The following ADAMTS20 variants were observed in gnomAD, a reference collection of about 807,000 sequenced individuals.
ADAMTS20 encodes the protein ADAM metallopeptidase with thrombospondin type 1 motif 20, also known as A disintegrin and metalloproteinase with thrombospondin motifs 20.
In ADAMTS20, 225 loss-of-function variants were observed where a neutral mutation model predicts 260.1. The ratio of observed to expected loss-of-function variants is 0.87; its 90% CI spans 0.78 to 0.97. The LOEUF (loss-of-function observed/expected upper bound fraction) is 0.97. Ranked by LOEUF, ADAMTS20 falls within the 50% of genes least tolerant of loss-of-function variation. ADAMTS20 has a pLI of 0.00. For missense variants in ADAMTS20, 2,400 were observed against 2,337.7 expected, an observed-to-expected ratio of 1.03 and a Z score of -0.55; for synonymous variants, 802 against 769.5, an observed-to-expected ratio of 1.04 and a Z score of -0.70.
At position 43,511,935 on chromosome 12, in the gene ADAMTS20, A is replaced by G. The variant is rs1942929969; in HGVS notation, c.614-9530T>C. On this transcript the variant is annotated intron_variant, in intron 3 of 38. Coordinates refer to ENST00000389420, the MANE Select transcript of ADAMTS20 (RefSeq NM_025003.5). ...GTGACCCTTGAGATAAAGTGTGACC[A>G]TATCAGATGTATTGTGAAATCTCAC... is the stretch of plus-strand genomic sequence containing the variant. Among the ~76,000 whole-genome samples, 4 of 152,140 alleles carry G rather than the reference A, an allele frequency of 2.6e-5. No individual in the cohort carries two copies. The South Asian group carries it at 8.3e-4, about 31-fold the overall frequency.
chr12:43,452,337 C>G lies in ADAMTS20; in HGVS notation c.2016G>C (p.Met672Ile). 4 of 1,613,316 alleles carry G rather than the reference C, an allele frequency of 2.5e-6. No individual in the cohort carries two copies. The highest frequency in any genetic ancestry group is 3.4e-6 in the Non-Finnish European group (4 of 1,179,546). The change falls in exon 14 of 39, where the codon ATG becomes ATC. Residue 672 changes from methionine (M) to isoleucine (I), a missense_variant. Coordinates refer to ENST00000389420, the MANE Select transcript of ADAMTS20 (RefSeq NM_025003.5). Reference sequence around the variant, plus strand: ...TTCCACAAGGAGTACCATCTTCAACCATATCCTTCAATAGGTAGAAATAAT... The same window carrying G: ...TTCCACAAGGAGTACCATCTTCAACGATATCCTTCAATAGGTAGAAATAAT... ...GTNYFYLLKD[M>I]VEDGTPCGTE...
At chr12:43,375,210 T>C (rs1001270673) in intron 36 of ADAMTS20, among the ~76,000 whole-genome samples, 169 bp downstream of exon 36, 6 of 146,460 alleles carry the variant, frequency 4.1e-5, no homozygotes, top group South Asian at 2.1e-4. Context: ...CCATGGTGCA[T>C]GTCATTGCAG....
At chr12:43,447,015 A>C (rs1462957082) in intron 14 of ADAMTS20, among the ~76,000 whole-genome samples, 2 of 152,168 alleles carry the variant, frequency 1.3e-5, no homozygotes, top group Middle Eastern at 3.4e-3. Flanking sequence ...TACCATCCAA[A>C]AAAAGCCCAG....
chr12:43,353,241 G>C (rs1939672418), downstream of ADAMTS20, among the ~76,000 whole-genome samples: 1 of 151,748 alleles, frequency 6.6e-6, no homozygotes, highest in Non-Finnish European at 1.5e-5. Flanking sequence ...TTCTGGCTTT[G>C]AGAAACCTCT....
At position 43,523,403 on chromosome 12, in the gene ADAMTS20, A is replaced by G. The variant is rs569289646; in HGVS notation, c.613+8633T>C. On this transcript the variant is annotated intron_variant, in intron 3 of 38. Coordinates refer to ENST00000389420, the MANE Select transcript of ADAMTS20 (RefSeq NM_025003.5). ...GGTCATAAGTTGAAAAAAGCTCCCA[A>G]ATGAATTTTGTGATATAACCTCAAG... 1.3e-4 allele frequency among the ~76,000 whole-genome samples: 20 copies of G among 152,168 alleles called. No homozygotes were observed. The South Asian group carries it at 4.2e-3, about 32-fold the overall frequency.
At chr12:43,415,082 G>C (rs1941104491) in intron 28 of ADAMTS20, among the ~76,000 whole-genome samples, 1 of 152,252 alleles carries the variant, frequency 6.6e-6, no homozygotes, top group Non-Finnish European at 1.5e-5. Context: ...CAACGTAAAT[G>C]AGTCTCAAGT....
intron 2 of ADAMTS20, among the ~76,000 whole-genome samples, chr12:43,550,404 G>A (rs1023720325): frequency 6.6e-6 from 1 of 152,152 alleles, no homozygotes; most frequent in Non-Finnish European, 1.5e-5. Flanking sequence ...CTACTTCACA[G>A]GCCATCCCCA....
chr12:43,443,734 C>A, intron 16 of ADAMTS20, 57 bp downstream of exon 16: 1 of 1,379,648 alleles, frequency 7.2e-7, no homozygotes, highest in Non-Finnish European at 1.0e-6. Flanking sequence ...CAACTACAGA[C>A]TTCCATGAAA....
chr12:43,465,650 T>C (rs963790375), intron 9 of ADAMTS20, among the ~76,000 whole-genome samples: 6 of 152,050 alleles, frequency 3.9e-5, no homozygotes, highest in African/African-American at 1.4e-4. Context: ...AAATTTCCTT[T>C]GAAGAAAATC....
chr12:43,473,465 C>T (rs1942300453), intron 7 of ADAMTS20, among the ~76,000 whole-genome samples: 1 of 38,848 alleles, frequency 2.6e-5, no homozygotes, highest in Non-Finnish European at 4.4e-5. Context: ...AGGAATTGAA[C>T]TCAGCTCTGC....
intron 4 of ADAMTS20, among the ~76,000 whole-genome samples, chr12:43,497,458 T>G (rs929798900): frequency 6.6e-6 from 1 of 152,174 alleles, no homozygotes; most frequent in African/African-American, 2.4e-5. Context: ...AAACAAATTT[T>G]GTTTACAAAG....
chr12:43,476,891 G>T (rs1461355814), intron 7 of ADAMTS20, among the ~76,000 whole-genome samples: 3 of 150,686 alleles, frequency 2.0e-5, no homozygotes, highest in Non-Finnish European at 4.4e-5. Flanking sequence ...ATATACCTAA[G>T]GCTAGATGAC....
In ADAMTS20 at chr12:43,371,155, T is replaced by C. The variant is rs1377479923; in HGVS notation, c.5447-1774A>G. Among the ~76,000 whole-genome samples, 3 of 152,334 alleles carry C rather than the reference T, an allele frequency of 2.0e-5. No individual in the cohort carries two copies. The East Asian group carries it at 5.8e-4, about 29-fold the overall frequency. On this transcript the variant is annotated intron_variant, in intron 36 of 38. Transcript: ENST00000389420. ...ACATTTGATTTATGTTAGACAAAAC[T>C]AGACTGCTTTTTATTCTCTGATATC...
intron 4 of ADAMTS20, among the ~76,000 whole-genome samples, chr12:43,496,491 CG>C (rs1029879656): frequency 1.3e-5 from 2 of 152,180 alleles, no homozygotes; most frequent in Admixed American, 1.3e-4. Flanking sequence ...ACACATCCCC[CG>C]GCCACTGGTA....
At chr12:43,487,889 A>C (rs1942546789) in intron 7 of ADAMTS20, among the ~76,000 whole-genome samples, 1 of 152,178 alleles carries the variant, frequency 6.6e-6, no homozygotes, top group African/African-American at 2.4e-5. Flanking sequence ...GTCCCATAAA[A>C]TGGTGGCATG....
intron 7 of ADAMTS20, among the ~76,000 whole-genome samples, chr12:43,479,270 GA>G (rs1197248356): frequency 1.3e-5 from 2 of 152,256 alleles, no homozygotes; most frequent in African/African-American, 4.8e-5. Flanking sequence ...TGAAGAAAGT[GA>G]TAGAGATATA....
At chr12:43,414,400 T>C (rs1941091110) in intron 28 of ADAMTS20, among the ~76,000 whole-genome samples, 1 of 152,130 alleles carries the variant, frequency 6.6e-6, no homozygotes, top group South Asian at 2.1e-4. Flanking sequence ...ATTCCTGGGA[T>C]TGGATGACCA....
intron 7 of ADAMTS20, among the ~76,000 whole-genome samples, chr12:43,480,435 G>A (rs1372441346): frequency 2.0e-5 from 3 of 152,058 alleles, no homozygotes; most frequent in Non-Finnish European, 2.9e-5. Context: ...AGTTCCTTTC[G>A]ATATATACCC....
rs569682255 is a variant in ADAMTS20, at chr12:43,383,530, A to C, written c.4797+28T>G. 1.4e-5 allele frequency: 22 copies of C among 1,569,076 alleles called. No individual in the cohort carries two copies. The South Asian group carries it at 2.7e-4, about 19-fold the overall frequency. On this transcript the variant is annotated intron_variant, in intron 31 of 38. Coordinates refer to ENST00000389420, the MANE Select transcript of ADAMTS20 (RefSeq NM_025003.5). ...TCCAGCTGTTTTATCAAGGAGCAAA[A>C]ATTCTCAACTTCCTTTCTTTACCTT... is the stretch of plus-strand genomic sequence containing the variant.
Sources: gnomAD v4.1 joint callset for allele counts (sites outside exome capture counted in the v4.1 genomes callset) on GRCh38, gnomAD v4.1.1 for gene constraint, MANE v1.5 for transcripts, NCBI Gene and HGNC (gene_info 2026-07-23, HGNC 2026-07-21) for gene names.